Variants in PTPRS observed in about 807,000 individuals in gnomAD.
The protein encoded by PTPRS is receptor-type tyrosine-protein phosphatase S.
Under a neutral mutation model 215.3 loss-of-function variants are expected in PTPRS, and 63 were observed. That is an observed-to-expected ratio of 0.29 (90% CI 0.24 to 0.36). The LOEUF is 0.36. PTPRS is among the 10% of genes least tolerant of loss of function. The pLI is 1.00. For missense variants in PTPRS, 2,258 were observed against 2,825.8 expected (o/e 0.80, Z 4.56); for synonymous variants, 1,404 against 1,191.4 (o/e 1.18, Z -3.68).
At chr19:5,224,160 C>T (rs960314111) in intron 17 of PTPRS, among the ~76,000 whole-genome samples, 1 of 127,842 alleles carries the variant, frequency 7.8e-6, no homozygotes, top group South Asian at 2.7e-4. Context: ...GCCCGGGCAA[C>T]AGAGCAAGAC....
chr19:5,259,404 G>A (rs910850956), intron 7 of PTPRS, among the ~76,000 whole-genome samples: 1 of 152,156 alleles, frequency 6.6e-6, no homozygotes, highest in African/African-American at 2.4e-5. Context: ...ACGAGGCCAA[G>A]ATTTCCCCAA....
chr19:5,225,046 G>A (rs536992331), intron 17 of PTPRS, among the ~76,000 whole-genome samples: 31 of 148,692 alleles, frequency 2.1e-4, no homozygotes, highest in African/African-American at 6.9e-4. Context: ...TGTGCCCTCC[G>A]CCCGGTGTAC....
rs546571713 is a variant in PTPRS, at chr19:5,309,200, C to G, written c.-94-22966G>C. On this transcript the variant is annotated intron_variant, in intron 1 of 37. Coordinates refer to ENST00000262963, the MANE Select transcript of PTPRS (RefSeq NM_002850.4). ...GGTGGTGAGCAGAGTGTGCAGGCCC[C>G]TTAGTGGGGTTGAGCCTGTGCCACG... is the stretch of plus-strand genomic sequence containing the variant. Among the ~76,000 whole-genome samples the G allele has an allele frequency of 4.6e-5, 7 of 152,252 alleles. No individual in the cohort carries two copies. The East Asian group carries it at 1.2e-3, about 25-fold the overall frequency.
intron 2 of PTPRS, chr19:5,277,635 G>A (rs375096524): frequency 2.3e-4 from 92 of 397,642 alleles, no homozygotes; most frequent in African/African-American, 1.7e-3. Context: ...CAGCCTGGGC[G>A]ACAGAGTGAG....
chr19:5,219,098 A>C, intron 23 of PTPRS: 1 of 691,060 alleles, frequency 1.4e-6, no homozygotes, highest in Non-Finnish European at 2.4e-6. Flanking sequence ...AGGGGTTAAG[A>C]GGAGAAGCCA....
In PTPRS at chr19:5,237,883, C is replaced by T. The variant is rs1351242711; in HGVS notation, c.1849+1036G>A. 6.6e-6 allele frequency among the ~76,000 whole-genome samples: 1 copy of T among 152,090 alleles called. No individual in the cohort carries two copies. The highest frequency in any genetic ancestry group is 1.9e-4 in the East Asian group (1 of 5,154). ...AGGGGGGTTGTGTCTCCGAGGCGCC[C>T]CACCCCCCCGATCCCAGCGGCTCAG... On this transcript the variant is annotated intron_variant, in intron 13 of 37. Coordinates refer to ENST00000262963, the MANE Select transcript of PTPRS (RefSeq NM_002850.4). The surrounding 1 kb of genome is among the most constrained non-coding windows in gnomAD (Gnocchi z 4.2).
chr19:5,301,130 C>T (rs892083125), intron 1 of PTPRS, among the ~76,000 whole-genome samples: 1 of 152,210 alleles, frequency 6.6e-6, no homozygotes, highest in Admixed American at 6.5e-5. Flanking sequence ...AGGGCAGAAA[C>T]TTGGAAAAGG....
chr19:5,269,294 G>A (rs996133738), intron 4 of PTPRS, among the ~76,000 whole-genome samples: 7 of 152,052 alleles, frequency 4.6e-5, no homozygotes, highest in African/African-American at 1.2e-4. Flanking sequence ...GGGAGGTCTC[G>A]GCCGCCTGAC....
In PTPRS at chr19:5,208,024, C is replaced by T. The variant is rs372859087; in HGVS notation, c.5676G>A (p.Thr1892=). Residue 1892 remains threonine (T), a synonymous_variant, in exon 37 of 38, where the codon ACG becomes ACA. Coordinates refer to ENST00000262963, the MANE Select transcript of PTPRS (RefSeq NM_002850.4). ...GCATCCGCTCCAGCACGATGCTAAGCGTGATGAAGACGCCCGTCCTGCCCA... is the reference window on the plus strand; with the variant it reads ...GCATCCGCTCCAGCACGATGCTAAGTGTGATGAAGACGCCCGTCCTGCCCA... ...AGVGRTGVFI[T]LSIVLERMRY... 48 of 1,613,848 alleles carry T rather than the reference C, an allele frequency of 3.0e-5. No homozygotes were observed. Among genetic ancestry groups the T allele is most frequent in the South Asian group, 5.5e-5 (5 of 91,088 alleles).
Position 5,229,472 on chromosome 19 carries a change from G to A in PTPRS, c.2349+19C>T, listed in dbSNP as rs1310327077. On this transcript the variant is annotated intron_variant, in intron 15 of 37. Transcript: ENST00000262963. ...CCGCCCGGAGCCCGTCCCCGGCCCC[G>A]CCCCGGCCCCCCGCCCACCTGGGCA... 2.5e-5 allele frequency: 29 copies of A among 1,170,576 alleles called. No individual in the cohort carries two copies. In the East Asian group the frequency reaches 2.5e-4, roughly 10 times the overall value. 72.5% of individuals were successfully genotyped at this position (1,170,576 alleles called of 1,614,324 possible).
Position 5,286,181 on chromosome 19 carries a change from G to GC in PTPRS, c.-42dup. On this transcript the variant is annotated 5_prime_UTR_variant, in exon 2 of 38. Coordinates refer to ENST00000262963, the MANE Select transcript of PTPRS (RefSeq NM_002850.4). ...CCGATCTCCGCCCTGGAGGGGGATG[G>GC]CCCCCCGGTCCCTCACAGAGAGGCC... 4 of 1,603,348 alleles carry GC rather than the reference G, an allele frequency of 2.5e-6. No homozygotes were observed. Among genetic ancestry groups the GC allele is most frequent in the Non-Finnish European group, 3.4e-6 (4 of 1,174,682 alleles).
At chr19:5,323,551 A>C (rs924563530) in intron 1 of PTPRS, among the ~76,000 whole-genome samples, 2 of 152,260 alleles carry the variant, frequency 1.3e-5, no homozygotes, top group Non-Finnish European at 2.9e-5. Flanking sequence ...GGGGAAAAGC[A>C]TTCCAGGCAG....
chr19:5,261,564 T>C (rs1333088132), intron 6 of PTPRS, among the ~76,000 whole-genome samples: 1 of 152,222 alleles, frequency 6.6e-6, no homozygotes, highest in African/African-American at 2.4e-5. Flanking sequence ...CTGCTGCTGA[T>C]GGCCGATAAC....
chr19:5,267,721 C>A (rs1194462050), intron 4 of PTPRS, among the ~76,000 whole-genome samples: 1 of 150,126 alleles, frequency 6.7e-6, no homozygotes, highest in East Asian at 2.0e-4. Context: ...GCCCCCCCGC[C>A]CCCCCAACTC....
In PTPRS at chr19:5,222,826, G is replaced by A. The variant is rs756719219; in HGVS notation, c.2966C>T (p.Pro989Leu). Residue 989 changes from proline to leucine, a missense_variant, in exon 18 of 38, where the codon CCG becomes CTG. By Grantham distance (98) the Pro-to-Leu change is moderately conservative. Around this residue, in one of 6 missense-constraint regions of PTPRS, gnomAD observed 361 missense variants for 332.6 expected, o/e 1.09. Coordinates refer to ENST00000262963, the MANE Select transcript of PTPRS (RefSeq NM_002850.4). ...RETELPAAAE[P>L]GAENALTLQG... Reference sequence around the variant, plus strand: ...CAGCGTGAGCGCGTTCTCCGCGCCCGGCTCAGCCGCTGCCGGCAGCTCAGT... The same window carrying A: ...CAGCGTGAGCGCGTTCTCCGCGCCCAGCTCAGCCGCTGCCGGCAGCTCAGT... 1.0e-5 allele frequency: 16 copies of A among 1,595,204 alleles called. 1 individual carries two copies. The highest frequency in any genetic ancestry group is 9.9e-5 in the South Asian group (9 of 90,712).
chr19:5,277,063 T>TG (rs1555794180), intron 2 of PTPRS, among the ~76,000 whole-genome samples: 2 of 150,488 alleles, frequency 1.3e-5, no homozygotes, highest in Admixed American at 6.6e-5. Context: ...TTGTGTTTTT[T>TG]TTTTTTTTTT....
chr19:5,338,103 C>CG lies in PTPRS; in HGVS notation c.-95+2560dup, dbSNP rs199658055. ...CCAAAATGACCTGTCACCCATCTCC[C>CG]GCGGGGAGTGGGGAGCGGGCCAGTC... On this transcript the variant is annotated intron_variant, in intron 1 of 37. Transcript: ENST00000262963. This position sits in a 1 kb window ranked among gnomAD's most constrained non-coding sequence, Gnocchi z 4.2. Among the ~76,000 whole-genome samples, 5,430 of 152,218 alleles carry CG rather than the reference C, an allele frequency of 0.036. 213 individuals carry two copies. Among genetic ancestry groups the CG allele is most frequent in the South Asian group, 0.16 (766 of 4,826 alleles).
At chr19:5,327,354 C>G (rs945010957) in intron 1 of PTPRS, among the ~76,000 whole-genome samples, 2 of 152,132 alleles carry the variant, frequency 1.3e-5, no homozygotes, top group African/African-American at 4.8e-5. Flanking sequence ...CTTCCAATAC[C>G]AAGACCCTTC....
intron 2 of PTPRS, among the ~76,000 whole-genome samples, chr19:5,275,077 T>C (rs888892022): frequency 1.3e-5 from 2 of 151,306 alleles, no homozygotes; most frequent in Non-Finnish European, 3.0e-5. Context: ...TCTTTTCTTT[T>C]TTTTTTTTTT....
Sources: allele counts gnomAD v4.1 joint callset (sites outside exome capture counted in the v4.1 genomes callset), GRCh38; gene constraint gnomAD v4.1.1; regional missense constraint gnomAD v4.1.1; non-coding constraint Gnocchi (gnomAD v3.1); transcripts MANE v1.5; gene names NCBI Gene and HGNC (gene_info 2026-07-23, HGNC 2026-07-21).